Variants in PTPRD observed in about 807,000 individuals in gnomAD.
The protein encoded by PTPRD is protein tyrosine phosphatase receptor type D.
In PTPRD, 34 loss-of-function variants were observed where a neutral mutation model predicts 214.5. That is an observed-to-expected ratio of 0.16 (90% CI 0.12 to 0.21). The LOEUF is 0.21. Ranked by LOEUF, PTPRD falls within the 10% of genes least tolerant of loss-of-function variation. The pLI is 1.00. For missense variants in PTPRD, 2,545 were observed against 2,398.7 expected (o/e 1.06, Z -1.27); for synonymous variants, 1,128 against 845.7 (o/e 1.33, Z -5.79).
intron 2 of PTPRD, among the ~76,000 whole-genome samples, chr9:10,382,732 G>A (rs190108029): frequency 2.0e-5 from 3 of 151,860 alleles, no homozygotes; most frequent in Non-Finnish European, 2.9e-5. Context: ...GAAACCCTAA[G>A]ATATCTATTT....
At chr9:8,643,326 T>A (rs72698289) in intron 12 of PTPRD, among the ~76,000 whole-genome samples, 10,498 of 151,762 alleles carry the variant, frequency 0.069, 1,108 homozygotes, top group African/African-American at 0.23. Flanking sequence ...AGAAAGCTTT[T>A]TAGTAATATA....
intron 3 of PTPRD, among the ~76,000 whole-genome samples, chr9:10,067,440 G>A (rs561546775): frequency 2.6e-5 from 4 of 151,916 alleles, no homozygotes; most frequent in African/African-American, 7.2e-5. Flanking sequence ...CTTTCACAGA[G>A]CACTAACATA....
intron 10 of PTPRD, among the ~76,000 whole-genome samples, chr9:9,141,134 C>T (rs2154480905): frequency 6.6e-6 from 1 of 150,642 alleles, no homozygotes; most frequent in African/African-American, 2.4e-5. Context: ...TTCTTTTTCT[C>T]TCCTCTCTTC....
At chr9:9,629,918 G>A (rs2095538132) in intron 7 of PTPRD, among the ~76,000 whole-genome samples, 1 of 152,184 alleles carries the variant, frequency 6.6e-6, no homozygotes, top group Admixed American at 6.5e-5. Context: ...GGAAATGAGA[G>A]TAGGTGAGAT....
intron 14 of PTPRD, among the ~76,000 whole-genome samples, chr9:8,588,526 T>C (rs1376754950): frequency 1.3e-5 from 2 of 152,326 alleles, no homozygotes; most frequent in African/African-American, 2.4e-5. Context: ...TGCTTTATTA[T>C]AGAAAGAATA....
chr9:9,970,703 T>G (rs1465729978), intron 4 of PTPRD, among the ~76,000 whole-genome samples: 1 of 152,150 alleles, frequency 6.6e-6, no homozygotes. Flanking sequence ...TCCCGCTGGT[T>G]GACCGAATAG....
chr9:10,503,199 A>AAAAAAC (rs1555437115), intron 2 of PTPRD, among the ~76,000 whole-genome samples: 3 of 132,066 alleles, frequency 2.3e-5, no homozygotes, highest in Admixed American at 1.4e-4. Flanking sequence ...AATACAAAAA[A>AAAAAAC]AAAAAAAACA....
intron 10 of PTPRD, among the ~76,000 whole-genome samples, chr9:9,020,574 C>A (rs1035664377): frequency 6.6e-6 from 1 of 152,034 alleles, no homozygotes; most frequent in South Asian, 2.1e-4. Flanking sequence ...ACTGAGTGCA[C>A]GTGCTGCCAT....
intron 5 of PTPRD, among the ~76,000 whole-genome samples, chr9:9,829,376 G>C (rs1235632826): frequency 1.3e-5 from 2 of 151,750 alleles, no homozygotes; most frequent in African/African-American, 4.8e-5. Flanking sequence ...TGGGTATTAA[G>C]CTTTTATAGT....
intron 11 of PTPRD, among the ~76,000 whole-genome samples, chr9:8,804,246 C>A (rs962189404): frequency 1.3e-5 from 2 of 152,094 alleles, no homozygotes; most frequent in African/African-American, 4.8e-5. Context: ...AGCCACTGTG[C>A]CCAGCCCCTC....
intron 10 of PTPRD, among the ~76,000 whole-genome samples, chr9:9,127,785 T>C (rs879385623): frequency 6.6e-6 from 1 of 151,932 alleles, no homozygotes; most frequent in Non-Finnish European, 1.5e-5. Context: ...AGAAAATAAG[T>C]TCAGAAAAAA....
At chr9:9,487,606 T>C (rs956466620) in intron 8 of PTPRD, among the ~76,000 whole-genome samples, 1 of 152,202 alleles carries the variant, frequency 6.6e-6, no homozygotes, top group Admixed American at 6.5e-5. Context: ...TCAGATTTGC[T>C]TTAGGAAATG....
chr9:9,923,423 ACAGTTG>A (rs3050171), intron 5 of PTPRD, among the ~76,000 whole-genome samples: 79,069 of 150,612 alleles, frequency 0.52, 24,336 homozygotes, highest in East Asian at 0.92. Context: ...AATATTTGTG[ACAGTTG>A]CAGTTGATAA....
At chr9:9,120,278 A>G (rs1309330434) in intron 10 of PTPRD, among the ~76,000 whole-genome samples, 2 of 152,234 alleles carry the variant, frequency 1.3e-5, no homozygotes, top group Non-Finnish European at 2.9e-5. Flanking sequence ...CATCTTGCAG[A>G]ACAGTGTATG....
At chr9:9,494,027 T>C (rs1358431853) in intron 8 of PTPRD, among the ~76,000 whole-genome samples, 2 of 152,080 alleles carry the variant, frequency 1.3e-5, no homozygotes, top group Non-Finnish European at 2.9e-5. Flanking sequence ...TGAATGGCTA[T>C]GAGGGGATGA....
intron 7 of PTPRD, among the ~76,000 whole-genome samples, chr9:9,704,387 C>T (rs928698818): frequency 2.2e-4 from 33 of 151,944 alleles, no homozygotes; most frequent in South Asian, 2.1e-4. Flanking sequence ...CATTAATATG[C>T]TCAGCATCTC....
chr9:9,767,824 G>C (rs1261911940), intron 5 of PTPRD, among the ~76,000 whole-genome samples: 1 of 152,070 alleles, frequency 6.6e-6, no homozygotes, highest in Non-Finnish European at 1.5e-5. Context: ...AAGAATTTCA[G>C]TTCTAGAAGA....
At chr9:8,439,021 T>C (rs1224707130) in intron 34 of PTPRD, among the ~76,000 whole-genome samples, 1 of 152,174 alleles carries the variant, frequency 6.6e-6, no homozygotes, top group African/African-American at 2.4e-5. Context: ...CATCAGAATA[T>C]ATATACATAT....
At chr9:10,333,499 C>T (rs940939883) in intron 3 of PTPRD, among the ~76,000 whole-genome samples, 1 of 151,912 alleles carries the variant, frequency 6.6e-6, no homozygotes, top group Admixed American at 6.6e-5. Flanking sequence ...ATACCCTCAG[C>T]CATTTAATTG....
Sources: gnomAD v4.1 joint callset for allele counts (sites outside exome capture counted in the v4.1 genomes callset) on GRCh38, gnomAD v4.1.1 for gene constraint, MANE v1.5 for transcripts, NCBI Gene and HGNC (gene_info 2026-07-23, HGNC 2026-07-21) for gene names.